Variants in DMXL1 observed in about 807,000 individuals in gnomAD.
DMXL1 encodes dmX-like protein 1.
Under a neutral mutation model 319.2 loss-of-function variants are expected in DMXL1, and 99 were observed. That is an observed-to-expected ratio of 0.31 (90% CI 0.26 to 0.37). The LOEUF (loss-of-function observed/expected upper bound fraction) is 0.37. Among genes scored for constraint, DMXL1 ranks in the 10% least tolerant of loss-of-function variants. The pLI, the probability that DMXL1 is intolerant of heterozygous loss-of-function variation, is 1.00. For missense variants in DMXL1, 3,745 were observed against 3,595.6 expected, an observed-to-expected ratio of 1.04 and a Z score of -1.06; for synonymous variants, 1,385 against 1,235.2, an observed-to-expected ratio of 1.12 and a Z score of -2.54.
intron 32 of DMXL1, among the ~76,000 whole-genome samples, chr5:119,199,304 T>A (rs969794618): frequency 6.6e-6 from 1 of 152,236 alleles, no homozygotes; most frequent in Non-Finnish European, 1.5e-5. Flanking sequence ...TTCCCACTTA[T>A]AAGTGAGAAC....
rs372657449 is a variant in DMXL1 at position 119,237,385 on chromosome 5, G to C, written c.8530G>C (p.Val2844Leu). 9 of 1,605,044 alleles carry C rather than the reference G, an allele frequency of 5.6e-6. No individual in the cohort carries two copies. The highest frequency in any genetic ancestry group is 4.5e-5 in the East Asian group (2 of 44,704). The change falls in exon 40 of 44, where the codon GTT becomes CTT. Residue 2844 changes from valine (V) to leucine (L), a missense_variant. This residue lies in a region of DMXL1 where 262 missense variants were observed against 320.5 expected (regional missense o/e 0.82). Transcript: ENST00000539542. ...LYQTNWKCCPVTGSMPKPYLT... is the reference protein window; with the variant it reads ...LYQTNWKCCPLTGSMPKPYLT... ...TCAAACAAACTGGAAATGTTGTCCA[G>C]TTACTGGAAGCATGCCTAAGCCATA... is the stretch of plus-strand genomic sequence containing the variant.
intron 38 of DMXL1, among the ~76,000 whole-genome samples, chr5:119,228,355 C>G (rs1379102854): frequency 1.3e-5 from 2 of 152,144 alleles, no homozygotes; most frequent in Non-Finnish European, 2.9e-5. Context: ...CTTAACATGG[C>G]CATGACTAAA....
rs907474716 is a variant in DMXL1 at position 119,093,674 on chromosome 5, T to C, written c.88-4305T>C. On this transcript the variant is annotated intron_variant, in intron 1 of 43. Coordinates refer to ENST00000539542, the MANE Select transcript of DMXL1 (RefSeq NM_001290321.3). Reference sequence around the variant, plus strand: ...GATTAAGTTTAGTGAGGAGGGTGTGTCAAGATGGGCCAAAACCTAGGCCTA... The same window carrying C: ...GATTAAGTTTAGTGAGGAGGGTGTGCCAAGATGGGCCAAAACCTAGGCCTA... Among the ~76,000 whole-genome samples, 10 of 152,200 alleles carry C rather than the reference T, an allele frequency of 6.6e-5. 1 individual carries two copies. The highest frequency in any genetic ancestry group is 2.2e-4 in the African/African-American group (9 of 41,448).
intron 30 of DMXL1, among the ~76,000 whole-genome samples, 187 bp downstream of exon 30, chr5:119,194,157 T>G (rs1244065909): frequency 1.3e-5 from 2 of 152,202 alleles, no homozygotes; most frequent in East Asian, 3.8e-4. Context: ...TTATAACACA[T>G]TGTAACTCAG....
At chr5:119,079,344 T>C (rs1017671190) in intron 1 of DMXL1, among the ~76,000 whole-genome samples, 1 of 152,230 alleles carries the variant, frequency 6.6e-6, no homozygotes, top group East Asian at 1.9e-4. Context: ...CCAGGGTTAA[T>C]CAGTCTTCTT....
At chr5:119,171,598 C>G (rs771599943) in intron 24 of DMXL1, among the ~76,000 whole-genome samples, 180 bp from the exon 25 acceptor site, 3 of 151,602 alleles carry the variant, frequency 2.0e-5, no homozygotes, top group Non-Finnish European at 4.4e-5. Context: ...CCCTAAATGT[C>G]TTATTTTTAA....
intron 34 of DMXL1, among the ~76,000 whole-genome samples, chr5:119,212,237 C>G (rs1327081849): frequency 6.6e-6 from 1 of 152,138 alleles, no homozygotes; most frequent in Non-Finnish European, 1.5e-5. Flanking sequence ...CTCCAGGCAA[C>G]CACCATTCTG....
In DMXL1 at chr5:119,120,964, C is replaced by A; in HGVS notation, c.934-7C>A. On this transcript the variant is annotated splice_region_variant and splice_polypyrimidine_tract_variant and intron_variant, in intron 8 of 43. Transcript: ENST00000539542. ...TATAGGTATTAGTTTTGTTTCTATT[C>A]ACACAGGTAAATCTGAGACATTTTC... is the stretch of plus-strand genomic sequence containing the variant. The A allele has an allele frequency of 1.2e-6, 2 of 1,601,728 alleles. No individual in the cohort carries two copies. Among genetic ancestry groups the A allele is most frequent in the South Asian group, 1.1e-5 (1 of 88,404 alleles).
Position 119,220,805 on chromosome 5 carries a change from T to C in DMXL1, c.8136-135T>C, listed in dbSNP as rs918557830. 4.2e-6 allele frequency: 5 copies of C among 1,185,872 alleles called. No homozygotes were observed. In the African/African-American group the frequency reaches 6.2e-5, roughly 15 times the overall value. 73.5% of individuals were successfully genotyped at this position (1,185,872 alleles called of 1,614,324 possible). ...CAGAAATTGTTGAGGTATGAGGTCA[T>C]TGTGTGTGAGTTACAAATAAGAGCT... is the stretch of plus-strand genomic sequence containing the variant. On this transcript the variant is annotated intron_variant, in intron 36 of 43. Transcript: ENST00000539542.
chr5:119,129,231 A>G lies in DMXL1; in HGVS notation c.1123A>G (p.Ile375Val), dbSNP rs755858435. 6.8e-6 allele frequency: 11 copies of G among 1,611,512 alleles called. No homozygotes were observed. Among genetic ancestry groups the G allele is most frequent in the Middle Eastern group, 1.6e-4 (1 of 6,078 alleles). ...TATAGACATTCCACTTCTTCCATCTATTACATCTCTGAGTCTAAATGAAAA... is the reference window on the plus strand; with the variant it reads ...TATAGACATTCCACTTCTTCCATCTGTTACATCTCTGAGTCTAAATGAAAA... ...PATDIPLLPS[I>V]TSLSLNENEE... Residue 375 changes from isoleucine (I) to valine (V), a missense_variant, in exon 10 of 44, where the codon ATT becomes GTT. Ile to Val is a conservative substitution (Grantham distance 29). Transcript: ENST00000539542.
chr5:119,091,028 T>G (rs1330482026), intron 1 of DMXL1, among the ~76,000 whole-genome samples: 1 of 152,112 alleles, frequency 6.6e-6, no homozygotes, highest in Non-Finnish European at 1.5e-5. Flanking sequence ...TCAATCTGTT[T>G]ATTAACTTTT....
At chr5:119,238,177 G>T (rs1479657534) in intron 40 of DMXL1, among the ~76,000 whole-genome samples, 1 of 151,848 alleles carries the variant, frequency 6.6e-6, no homozygotes, top group Non-Finnish European at 1.5e-5. Flanking sequence ...AAAATGAATT[G>T]GTTTAAATTA....
chr5:119,102,427 A>G (rs1323221754), intron 3 of DMXL1, among the ~76,000 whole-genome samples: 1 of 152,194 alleles, frequency 6.6e-6, no homozygotes, highest in Non-Finnish European at 1.5e-5. Flanking sequence ...TACAGTCGTT[A>G]ACAGGTCAAT....
At chr5:119,208,591 C>T (rs1782170212) in intron 34 of DMXL1, among the ~76,000 whole-genome samples, 1 of 152,018 alleles carries the variant, frequency 6.6e-6, no homozygotes, top group Non-Finnish European at 1.5e-5. Flanking sequence ...TGTTGTATTT[C>T]TATAGTCAGC....
chr5:119,239,229 C>A, intron 41 of DMXL1, 149 bp downstream of exon 41: 1 of 840,020 alleles, frequency 1.2e-6, no homozygotes, highest in Non-Finnish European at 1.8e-6. Flanking sequence ...CCATGTTATT[C>A]CAGCCCCACC....
intron 8 of DMXL1, among the ~76,000 whole-genome samples, chr5:119,119,563 T>C (rs1056291083): frequency 3.3e-5 from 5 of 151,764 alleles, no homozygotes; most frequent in African/African-American, 1.2e-4. Context: ...TGAGACAGAT[T>C]CTCACTCTGT....
chr5:119,139,612 C>G (rs752202934), intron 13 of DMXL1, among the ~76,000 whole-genome samples: 1 of 152,070 alleles, frequency 6.6e-6, no homozygotes, highest in Non-Finnish European at 1.5e-5. Flanking sequence ...ACAGGAGCAC[C>G]CAGATTCATA....
rs979545469 is a variant in DMXL1, at chr5:119,203,424, G to T, written c.7851G>T (p.Arg2617=). 1.3e-6 allele frequency: 2 copies of T among 1,592,378 alleles called. No individual in the cohort carries two copies. Among genetic ancestry groups the T allele is most frequent in the African/African-American group, 1.3e-5 (1 of 74,194 alleles). ...TFIKNIFTKK[R]CLNESLEDNS... ...TCAAAAATATATTCACAAAGAAACG[G>T]TGTCTAAATGAGGTCTGTATAAGTT... The change falls in exon 33 of 44, where the codon CGG becomes CGT. Residue 2617 remains arginine (R), a synonymous_variant. Coordinates refer to ENST00000539542, the MANE Select transcript of DMXL1 (RefSeq NM_001290321.3).
chr5:119,199,797 T>C (rs900546294), intron 32 of DMXL1, among the ~76,000 whole-genome samples: 1 of 152,242 alleles, frequency 6.6e-6, no homozygotes, highest in East Asian at 1.9e-4. Context: ...TGGTATCTCA[T>C]TGTGCTTTTG....
Sources: gnomAD v4.1 joint callset for allele counts (sites outside exome capture counted in the v4.1 genomes callset) on GRCh38, gnomAD v4.1.1 for gene constraint, gnomAD v4.1.1 regional missense constraint, MANE v1.5 for transcripts, NCBI Gene and HGNC (gene_info 2026-07-23, HGNC 2026-07-21) for gene names.